Variants in SPACA9 observed in about 807,000 individuals in gnomAD.
SPACA9 encodes the protein sperm acrosome associated 9.
In SPACA9, 14 loss-of-function variants were observed where a neutral mutation model predicts 12.5. The ratio of observed to expected loss-of-function variants is 1.12; its 90% CI spans 0.74 to 1.75. The LOEUF is 1.75. Ranked by LOEUF, SPACA9 falls within the 40% of genes most tolerant of loss-of-function variation. The probability of loss-of-function intolerance (pLI) is 0.00; values close to 1 mark genes in which losing one functional copy is unlikely to be tolerated. For missense variants in SPACA9, 292 were observed against 291.9 expected (o/e 1.00, Z 0.00); for synonymous variants, 111 against 114.1 (o/e 0.97, Z 0.17).
In SPACA9 at chr9:132,889,107, T is replaced by C. The variant is rs1844663090; in HGVS notation, c.*496T>C. On this transcript the variant is annotated 3_prime_UTR_variant, in exon 4 of 4. Transcript: ENST00000356311. ...CTTCTAACATTTCCACTTCTAAGCA[T>C]CAGGCTCCGTGCTGATGAAGAGGAA... 2.0e-6 allele frequency: 2 copies of C among 993,324 alleles called. No homozygotes were observed. Among genetic ancestry groups the C allele is most frequent in the Non-Finnish European group, 2.4e-6 (2 of 834,226 alleles). The allele number at this position is 993,324 out of a possible 1,614,324, so 61.5% of individuals were successfully genotyped here.
At chr9:132,886,345 CCTT>C (rs759800879) in intron 2 of SPACA9, among the ~76,000 whole-genome samples, 26 of 152,372 alleles carry the variant, frequency 1.7e-4, no homozygotes, top group African/African-American at 5.0e-4. Flanking sequence ...GCCTGCCCCT[CCTT>C]CTCCACCTTG....
In SPACA9 at chr9:132,890,024, T is replaced by TACCA. The variant is rs1342166781; in HGVS notation, c.*1414_*1417dup. The TACCA allele has an allele frequency of 7.0e-7, 1 of 1,428,140 alleles. No homozygotes were observed. Among genetic ancestry groups the TACCA allele is most frequent in the African/African-American group, 1.5e-5 (1 of 68,762 alleles). 88.5% of individuals were successfully genotyped at this position (1,428,140 alleles called of 1,614,324 possible). A position where few individuals can be genotyped will look rare whatever the true frequency, so the allele number is the denominator to read the frequency against. ...AGACAGTCAAGAATAAAAAGTATTC[T>TACCA]ACCACCTCTCTGCCTGACTTGGTTT... On this transcript the variant is annotated 3_prime_UTR_variant, in exon 4 of 4. Transcript: ENST00000356311.
Position 132,888,774 on chromosome 9 carries a change from T to TA in SPACA9, c.*163_*164insA. ...TCCTCTCTCTCTTCTTGCTTTAACT[T>TA]CTTTTTTTTTTGAGACGGAGTCTCG... On this transcript the variant is annotated 3_prime_UTR_variant, in exon 4 of 4. Transcript: ENST00000356311. The surrounding 1 kb of genome is among the most constrained non-coding windows in gnomAD (Gnocchi z 5.0). 7.2e-7 allele frequency: 1 copy of TA among 1,387,712 alleles called. No individual in the cohort carries two copies. Among genetic ancestry groups the TA allele is most frequent in the Non-Finnish European group, 9.3e-7 (1 of 1,074,118 alleles). The allele number at this position is 1,387,712 out of a possible 1,614,324, so 86.0% of individuals were successfully genotyped here.
intron 1 of SPACA9, among the ~76,000 whole-genome samples, chr9:132,883,094 A>G (rs1844469923): frequency 6.6e-6 from 1 of 151,858 alleles, no homozygotes; most frequent in Non-Finnish European, 1.5e-5. Context: ...TCACAGGAGG[A>G]TTGTAGATGC....
chr9:132,883,356 A>G (rs1303585786), intron 1 of SPACA9, among the ~76,000 whole-genome samples: 1 of 152,220 alleles, frequency 6.6e-6, no homozygotes, highest in African/African-American at 2.4e-5. Context: ...CGCTTAATCC[A>G]TGGGAAGGAA....
At position 132,889,204 on chromosome 9, in the gene SPACA9, A is replaced by G. The variant is rs150486354; in HGVS notation, c.*593A>G. On this transcript the variant is annotated 3_prime_UTR_variant, in exon 4 of 4. Coordinates refer to ENST00000356311, the MANE Select transcript of SPACA9 (RefSeq NM_001316897.2). Reference sequence around the variant, plus strand: ...CCAGGAGGGCACTGAACTGTCACCTAGGTCCTCTTTGAGCCACATCCGGCT... The same window carrying G: ...CCAGGAGGGCACTGAACTGTCACCTGGGTCCTCTTTGAGCCACATCCGGCT... 530 of 986,438 alleles carry G rather than the reference A, an allele frequency of 5.4e-4. 4 individuals are homozygous for G. In the African/African-American group the frequency reaches 7.8e-3, roughly 14 times the overall value. The allele number at this position is 986,438 out of a possible 1,614,324, so 61.1% of individuals were successfully genotyped here.
rs1458746421 is a variant in SPACA9 at position 132,887,094 on chromosome 9, G to C, written c.145-275G>C. Among the ~76,000 whole-genome samples the C allele has an allele frequency of 1.3e-5, 2 of 151,938 alleles. No homozygotes were observed. Among genetic ancestry groups the C allele is most frequent in the African/African-American group, 2.4e-5 (1 of 41,342 alleles). On this transcript the variant is annotated intron_variant, in intron 2 of 3. Coordinates refer to ENST00000356311, the MANE Select transcript of SPACA9 (RefSeq NM_001316897.2). The surrounding 1 kb of genome is among the most constrained non-coding windows in gnomAD (Gnocchi z 5.4). Reference sequence around the variant, plus strand: ...CTCCCAAAGTGCGGGGATTACACGTGTGAGCCACTGTGCCCAACCGATCCA... The same window carrying C: ...CTCCCAAAGTGCGGGGATTACACGTCTGAGCCACTGTGCCCAACCGATCCA...
At chr9:132,884,464 T>C (rs1358082552) in intron 2 of SPACA9, among the ~76,000 whole-genome samples, 1 of 152,204 alleles carries the variant, frequency 6.6e-6, no homozygotes, top group Non-Finnish European at 1.5e-5. Context: ...AGAGGGATCC[T>C]GTCCTTCCCA....
Position 132,888,641 on chromosome 9 carries a change from G to C in SPACA9, c.*30G>C, listed in dbSNP as rs1454948889. The stretch of plus-strand genomic sequence containing the variant: ...GAGCCAGGAGCTCCGTCGGCGGAGA[G>C]CTTTGCTGTTTAATTTGGATTTTAC... On this transcript the variant is annotated 3_prime_UTR_variant, in exon 4 of 4. Coordinates refer to ENST00000356311, the MANE Select transcript of SPACA9 (RefSeq NM_001316897.2). This position sits in a 1 kb window ranked among gnomAD's most constrained non-coding sequence, Gnocchi z 5.0. The C allele has an allele frequency of 8.7e-6, 13 of 1,494,314 alleles. No homozygotes were observed. Among genetic ancestry groups the C allele is most frequent in the South Asian group, 1.3e-5 (1 of 74,704 alleles). The allele number at this position is 1,494,314 out of a possible 1,614,324, so 92.6% of individuals were successfully genotyped here.
chr9:132,878,954 G>A lies in SPACA9; in HGVS notation c.-98G>A, dbSNP rs374736321. ...CACCCTCCGGGGCACCGACACTCACGGAGTCACTCCAACTTCTCTGGGTGC... is the reference window on the plus strand; with the variant it reads ...CACCCTCCGGGGCACCGACACTCACAGAGTCACTCCAACTTCTCTGGGTGC... On this transcript the variant is annotated 5_prime_UTR_variant, in exon 1 of 4. Coordinates refer to ENST00000356311, the MANE Select transcript of SPACA9 (RefSeq NM_001316897.2). This position sits in a 1 kb window ranked among gnomAD's most constrained non-coding sequence, Gnocchi z 4.7. 3.0e-4 allele frequency: 55 copies of A among 183,072 alleles called. 2 individuals are homozygous for A. The South Asian group carries it at 0.011, about 36-fold the overall frequency. The allele number at this position is 183,072 out of a possible 1,614,324, so 11.3% of individuals were successfully genotyped here.
chr9:132,878,406 A>C, upstream of SPACA9: 1 of 1,234,394 alleles, frequency 8.1e-7, no homozygotes, highest in South Asian at 4.1e-5. This position sits in a 1 kb window ranked among gnomAD's most constrained non-coding sequence, Gnocchi z 4.7. Flanking sequence ...CCCCGCCCCG[A>C]CCTCCCCGGC....
chr9:132,890,105 C>T (rs11243927), downstream of SPACA9: 1,022 of 999,270 alleles, frequency 1.0e-3, 8 homozygotes, highest in African/African-American at 0.012. Context: ...TCAAAGGACA[C>T]TGGGCAGTAA....
intron 2 of SPACA9, among the ~76,000 whole-genome samples, chr9:132,886,327 A>G (rs907462652): frequency 1.3e-5 from 2 of 152,170 alleles, no homozygotes; most frequent in Non-Finnish European, 2.9e-5. Flanking sequence ...CATAAGCTCC[A>G]CTTACTGGCC....
chr9:132,878,847 A>T, upstream of SPACA9: 1 of 898,210 alleles, frequency 1.1e-6, no homozygotes, highest in Non-Finnish European at 1.3e-6. This position sits in a 1 kb window ranked among gnomAD's most constrained non-coding sequence, Gnocchi z 4.7. Context: ...CACCGGCGGT[A>T]ACAATCACGC....
rs187352250 is a variant in SPACA9 at position 132,883,455 on chromosome 9, C to T, written c.-37-456C>T. Among the ~76,000 whole-genome samples the T allele has an allele frequency of 7.9e-5, 12 of 152,348 alleles. No individual in the cohort carries two copies. The East Asian group carries it at 2.3e-3, about 29-fold the overall frequency. The stretch of plus-strand genomic sequence containing the variant: ...CCTGGTTTTATATCCTGTGGCATAT[C>T]CCTTGATCCCAGGTTTTGCTGACAC... On this transcript the variant is annotated intron_variant, in intron 1 of 3. Coordinates refer to ENST00000356311, the MANE Select transcript of SPACA9 (RefSeq NM_001316897.2).
Position 132,887,303 on chromosome 9 carries a change from T to C in SPACA9, c.145-66T>C. ...AGTAGGGTGGGTGCTTCTGGACATT[T>C]GCACCATAAGCCAGCCAGGACCCGG... On this transcript the variant is annotated intron_variant, in intron 2 of 3. Coordinates refer to ENST00000356311, the MANE Select transcript of SPACA9 (RefSeq NM_001316897.2). The surrounding 1 kb of genome is among the most constrained non-coding windows in gnomAD (Gnocchi z 5.4). The C allele has an allele frequency of 1.4e-6, 2 of 1,454,816 alleles. No individual in the cohort carries two copies. The highest frequency in any genetic ancestry group is 1.9e-6 in the Non-Finnish European group (2 of 1,050,784). 90.1% of individuals were successfully genotyped at this position (1,454,816 alleles called of 1,614,324 possible).
chr9:132,885,154 G>GA (rs1232348353), intron 2 of SPACA9, among the ~76,000 whole-genome samples: 17 of 150,820 alleles, frequency 1.1e-4, no homozygotes, highest in East Asian at 3.9e-4. Flanking sequence ...ACAAAAAAAT[G>GA]AAAAAAAACA....
At chr9:132,881,989 A>G (rs1844440435) in intron 1 of SPACA9, among the ~76,000 whole-genome samples, 1 of 152,228 alleles carries the variant, frequency 6.6e-6, no homozygotes. Flanking sequence ...TCCATGTGGC[A>G]GGGACCAGCC....
chr9:132,883,262 T>A (rs1302692867), intron 1 of SPACA9, among the ~76,000 whole-genome samples: 1 of 152,208 alleles, frequency 6.6e-6, no homozygotes, highest in Non-Finnish European at 1.5e-5. Context: ...TGCGCAAACC[T>A]GAGACCAAGG....
Sources: allele counts gnomAD v4.1 joint callset (sites outside exome capture counted in the v4.1 genomes callset), GRCh38; gene constraint gnomAD v4.1.1; non-coding constraint Gnocchi (gnomAD v3.1); transcripts MANE v1.5; gene names NCBI Gene and HGNC (gene_info 2026-07-23, HGNC 2026-07-21).